The following GPD2 variants were observed in gnomAD, a reference collection of about 807,000 sequenced individuals.
GPD2 encodes the protein glycerol-3-phosphate dehydrogenase 2.
A neutral mutation model predicts 82.4 loss-of-function variants in GPD2; 54 were observed. The observed-to-expected ratio is 0.66, with a 90% CI of 0.53 to 0.82. GPD2 has a LOEUF of 0.82. GPD2 is among the 40% of genes least tolerant of loss of function. GPD2 has a pLI of 0.00. For synonymous variants in GPD2, 288 were observed against 306.1 expected (o/e 0.94, Z 0.62); for missense variants, 748 against 896.2 (o/e 0.83, Z 2.11).
intron 1 of GPD2, among the ~76,000 whole-genome samples, chr2:156,475,668 T>C (rs1244764987): frequency 6.6e-6 from 1 of 152,234 alleles, no homozygotes; most frequent in Non-Finnish European, 1.5e-5. Flanking sequence ...TGAAGCAAGC[T>C]GATGTTTATT....
chr2:156,551,676 T>A (rs1485093090), intron 8 of GPD2, among the ~76,000 whole-genome samples: 3 of 152,162 alleles, frequency 2.0e-5, no homozygotes, highest in Non-Finnish European at 4.4e-5. Context: ...AATTATGGCA[T>A]AACCACACAA....
Position 156,496,154 on chromosome 2 carries a change from T to C in GPD2, c.213T>C (p.Asp71=). 6.2e-7 allele frequency: 1 copy of C among 1,612,814 alleles called. No individual in the cohort carries two copies. Among genetic ancestry groups the C allele is most frequent in the Non-Finnish European group, 8.5e-7 (1 of 1,178,844 alleles). The part of the protein sequence containing the change: ...LLTLQNTSEF[D]ILVIGGGATG... ...CTTTGCAAAACACATCTGAATTTGA[T>C]ATCCTTGTTATTGGAGGAGGAGCAA... The change falls in exon 3 of 17, where the codon GAT becomes GAC. Residue 71 remains aspartate (D), a synonymous_variant. Coordinates refer to ENST00000438166, the MANE Select transcript of GPD2 (RefSeq NM_000408.5).
chr2:156,582,750 A>C (rs749253027), intron 16 of GPD2, 43 bp from the exon 17 acceptor site: 68 of 1,606,530 alleles, frequency 4.2e-5, no homozygotes, highest in Non-Finnish European at 4.3e-5. Flanking sequence ...GAAGAGAGTA[A>C]GTTGGCCTGC....
chr2:156,552,427 A>G (rs1290527284), intron 8 of GPD2, among the ~76,000 whole-genome samples: 2 of 152,246 alleles, frequency 1.3e-5, no homozygotes, highest in African/African-American at 4.8e-5. Context: ...ATGCAATTGT[A>G]TACGCTTTTG....
intron 9 of GPD2, among the ~76,000 whole-genome samples, chr2:156,565,532 G>T (rs138095791): frequency 2.0e-5 from 3 of 152,212 alleles, no homozygotes; most frequent in African/African-American, 7.2e-5. Flanking sequence ...ATCCTGTATT[G>T]TCTCCAGTTA....
intron 16 of GPD2, 42 bp downstream of exon 16, chr2:156,579,830 T>A (rs976614124): frequency 2.1e-6 from 2 of 930,486 alleles, no homozygotes; most frequent in Non-Finnish European, 3.6e-6. Flanking sequence ...TGCTTTTATC[T>A]TTTGTTTGTC....
At chr2:156,411,398 C>A in the GPD2 span, among the ~76,000 whole-genome samples, 2 of 152,102 alleles carry the variant, frequency 1.3e-5, no homozygotes, top group South Asian at 4.1e-4. Flanking sequence ...TCGCTGCAAC[C>A]TCCACCTCCT....
chr2:156,455,422 A>G (rs556806601), intron 1 of GPD2, among the ~76,000 whole-genome samples: 23 of 152,340 alleles, frequency 1.5e-4, no homozygotes, highest in African/African-American at 5.3e-4. Flanking sequence ...AGCCTTCTTG[A>G]CAATCCTTTG....
the GPD2 span, among the ~76,000 whole-genome samples, chr2:156,401,217 C>T: frequency 1.3e-5 from 2 of 152,162 alleles, no homozygotes; most frequent in East Asian, 1.9e-4. Flanking sequence ...ACCACCAATG[C>T]TTATAGCAAA....
chr2:156,536,812 C>A (rs935820538), intron 6 of GPD2, among the ~76,000 whole-genome samples: 3 of 152,146 alleles, frequency 2.0e-5, no homozygotes, highest in Admixed American at 6.5e-5. Flanking sequence ...TACGTGGGAT[C>A]TGAGCACAGG....
At chr2:156,418,990 C>A in the GPD2 span, among the ~76,000 whole-genome samples, 1 of 145,942 alleles carries the variant, frequency 6.9e-6, no homozygotes, top group African/African-American at 2.5e-5. Flanking sequence ...GGAGGCCCGG[C>A]GGCTTCTTCA....
At position 156,513,398 on chromosome 2, in the gene GPD2, G is replaced by T. The variant is rs147181566; in HGVS notation, c.563G>T (p.Cys188Phe). The part of the protein sequence containing the change: ...KLYDLVAGSN[C>F]LKSSYVLSKS... ...TATGATTTGGTTGCAGGAAGCAATT[G>T]CCTAAAAAGCAGTTATGTCCTCAGC... The change falls in exon 6 of 17, where the codon TGC (cysteine) becomes TTC (phenylalanine). Residue 188 changes from cysteine to phenylalanine, a missense_variant. Coordinates refer to ENST00000438166, the MANE Select transcript of GPD2 (RefSeq NM_000408.5). 1,015 of 1,612,074 alleles carry T rather than the reference G, an allele frequency of 6.3e-4. 1 individual carries two copies. Among genetic ancestry groups the T allele is most frequent in the Non-Finnish European group, 8.2e-4 (967 of 1,178,856 alleles).
chr2:156,542,970 G>T (rs1474431869), intron 6 of GPD2, among the ~76,000 whole-genome samples: 1 of 152,094 alleles, frequency 6.6e-6, no homozygotes, highest in African/African-American at 2.4e-5. Flanking sequence ...CTAAATCAGT[G>T]GTTGCCTAGT....
intron 1 of GPD2, among the ~76,000 whole-genome samples, chr2:156,470,577 T>C (rs1683295130): frequency 6.6e-6 from 1 of 152,108 alleles, no homozygotes; most frequent in African/African-American, 2.4e-5. Context: ...GGGAGATGAG[T>C]AGGAGAGTGA....
At position 156,570,183 on chromosome 2, in the gene GPD2, C is replaced by G; in HGVS notation, c.1573C>G (p.Arg525Gly). Reference protein sequence around the residue: ...TGKRWPIVGVRLVSEFPYIEA... With the variant: ...TGKRWPIVGVGLVSEFPYIEA... ...CAAAAGGTGGCCTATTGTTGGAGTA[C>G]GTCTTGTGTCAGAATTTCCATATAT... Residue 525 changes from arginine (R) to glycine (G), a missense_variant, in exon 12 of 17, where the codon CGT becomes GGT. Transcript: ENST00000438166. 6.2e-7 allele frequency: 1 copy of G among 1,612,822 alleles called. No homozygotes were observed. Among genetic ancestry groups the G allele is most frequent in the Non-Finnish European group, 8.5e-7 (1 of 1,179,072 alleles).
At chr2:156,471,614 TACTC>T (rs1683332104) in intron 1 of GPD2, among the ~76,000 whole-genome samples, 1 of 152,188 alleles carries the variant, frequency 6.6e-6, no homozygotes. Context: ...TAACGTTCCC[TACTC>T]ACTCCCCTCC....
chr2:156,426,376 G>A, the GPD2 span, among the ~76,000 whole-genome samples: 1 of 152,222 alleles, frequency 6.6e-6, no homozygotes, highest in Non-Finnish European at 1.5e-5. Context: ...CAGCAAAGGG[G>A]TAAGAGTCCT....
chr2:156,549,144 G>A (rs1573989164), intron 6 of GPD2, among the ~76,000 whole-genome samples: 1 of 152,158 alleles, frequency 6.6e-6, no homozygotes, highest in South Asian at 2.1e-4. Flanking sequence ...GGAAGATAAA[G>A]CTCTTGATTT....
intron 3 of GPD2, among the ~76,000 whole-genome samples, chr2:156,496,870 C>CG (rs397720560): frequency 5.2e-4 from 2 of 3,838 alleles, no homozygotes; most frequent in Non-Finnish European, 0.023. Context: ...ATCATCTCTT[C>CG]AGTGAAATAT....
Sources: allele counts gnomAD v4.1 joint callset (sites outside exome capture counted in the v4.1 genomes callset), GRCh38; gene constraint gnomAD v4.1.1; transcripts MANE v1.5; gene names NCBI Gene and HGNC (gene_info 2026-07-23, HGNC 2026-07-21).